The following NT5DC3 variants were observed in gnomAD, a reference collection of about 807,000 sequenced individuals.
NT5DC3 encodes the protein 5'-nucleotidase domain containing 3, also known as 5'-nucleotidase domain-containing protein 3.
In NT5DC3, 42 loss-of-function variants were observed where a neutral mutation model predicts 67.8. The ratio of observed to expected loss-of-function variants is 0.62; its 90% CI spans 0.48 to 0.80. The LOEUF is 0.80. NT5DC3 is among the 30% of genes least tolerant of loss of function. The pLI, the probability that NT5DC3 is intolerant of heterozygous loss-of-function variation, is 0.00. For missense variants in NT5DC3, 570 were observed against 696.4 expected (o/e 0.82, Z 2.04); for synonymous variants, 237 against 255.6 (o/e 0.93, Z 0.69).
chr12:103,834,128 G>A (rs950509672), intron 1 of NT5DC3, among the ~76,000 whole-genome samples: 4 of 152,004 alleles, frequency 2.6e-5, no homozygotes, highest in Admixed American at 2.6e-4. Flanking sequence ...AAGGTCTCCA[G>A]GCATTGCCAA....
At chr12:103,754,037 CTGGTGGTTTA>C in the NT5DC3 span, among the ~76,000 whole-genome samples, 1 of 152,176 alleles carries the variant, frequency 6.6e-6, no homozygotes, top group African/African-American at 2.4e-5. Context: ...GAGTTCCAGG[CTGGTGGTTTA>C]TCACTGGGAG....
chr12:103,749,162 T>A, the NT5DC3 span: 116 of 1,588,996 alleles, frequency 7.3e-5, no homozygotes, highest in Middle Eastern at 1.7e-4. Flanking sequence ...GCCCGGTGAG[T>A]CGCTCTTTCC....
intron 12 of NT5DC3, among the ~76,000 whole-genome samples, chr12:103,784,372 C>CA (rs1363041021): frequency 1.3e-5 from 2 of 152,226 alleles, no homozygotes; most frequent in Admixed American, 1.3e-4. Flanking sequence ...TGCAGGGCCC[C>CA]ATGCTCTGGA....
rs1593375018 is a variant in NT5DC3 at position 103,773,695 on chromosome 12, C to A, written c.*4134G>T. The A allele has an allele frequency of 6.6e-6, 1 of 152,352 alleles. No homozygotes were observed. The highest frequency in any genetic ancestry group is 1.9e-4 in the East Asian group (1 of 5,188). The allele number at this position is 152,352 out of a possible 1,614,324, so 9.4% of individuals were successfully genotyped here. Reference sequence around the variant, plus strand: ...TTCTAGACAAGGAGCCCCAAGTGGTCTTTGGCAGCAAATGAGCAGGCAGAA... The same window carrying A: ...TTCTAGACAAGGAGCCCCAAGTGGTATTTGGCAGCAAATGAGCAGGCAGAA... On this transcript the variant is annotated 3_prime_UTR_variant, in exon 14 of 14. Coordinates refer to ENST00000392876, the MANE Select transcript of NT5DC3 (RefSeq NM_001031701.3).
At chr12:103,813,301 C>A (rs1887111935) in intron 2 of NT5DC3, among the ~76,000 whole-genome samples, 1 of 152,196 alleles carries the variant, frequency 6.6e-6, no homozygotes, top group Admixed American at 6.5e-5. Context: ...ATGATCCAGG[C>A]AAAGGACCGC....
chr12:103,793,844 G>T, intron 7 of NT5DC3, 93 bp downstream of exon 7: 1 of 1,034,926 alleles, frequency 9.7e-7, no homozygotes, highest in Non-Finnish European at 1.5e-6. Context: ...TGCAGCCTCT[G>T]CTTAGCACCT....
At chr12:103,792,214 T>G (rs1593394820) in intron 9 of NT5DC3, among the ~76,000 whole-genome samples, 2 of 152,152 alleles carry the variant, frequency 1.3e-5, no homozygotes, top group East Asian at 3.8e-4. Context: ...TTATAGCTGT[T>G]TTTCATCACA....
At chr12:103,807,267 A>G (rs1193140877) in intron 2 of NT5DC3, among the ~76,000 whole-genome samples, 1 of 152,118 alleles carries the variant, frequency 6.6e-6, no homozygotes, top group Non-Finnish European at 1.5e-5. Flanking sequence ...CCAGGAACAC[A>G]TCGGCTTCAA....
At chr12:103,836,721 C>T (rs4964197) in intron 1 of NT5DC3, among the ~76,000 whole-genome samples, 19,081 of 152,152 alleles carry the variant, frequency 0.13, 1,398 homozygotes, top group Middle Eastern at 0.27. Flanking sequence ...CATCCTGTAT[C>T]GGCATGACAT....
At chr12:103,757,210 T>A in the NT5DC3 span, among the ~76,000 whole-genome samples, 1 of 151,762 alleles carries the variant, frequency 6.6e-6, no homozygotes, top group Non-Finnish European at 1.5e-5. Context: ...CACCCCAGCC[T>A]CCAGAGCAGC....
At chr12:103,817,204 C>T (rs937950980) in intron 1 of NT5DC3, among the ~76,000 whole-genome samples, 1 of 152,034 alleles carries the variant, frequency 6.6e-6, no homozygotes, top group Non-Finnish European at 1.5e-5. Flanking sequence ...TGGCCATATC[C>T]TAGATGAAAT....
the NT5DC3 span, chr12:103,758,101 C>G: frequency 6.2e-7 from 1 of 1,602,416 alleles, no homozygotes; most frequent in African/African-American, 1.3e-5. Flanking sequence ...TGCCCTGGGA[C>G]CTTCTTCAGC....
the NT5DC3 span, among the ~76,000 whole-genome samples, chr12:103,756,990 A>G: frequency 1.9e-5 from 1 of 53,786 alleles, no homozygotes; most frequent in Non-Finnish European, 4.5e-5. Context: ...GCCCAGAAGG[A>G]GGGAAAATAT....
chr12:103,747,354 C>T, the NT5DC3 span, among the ~76,000 whole-genome samples: 6 of 152,190 alleles, frequency 3.9e-5, no homozygotes, highest in Non-Finnish European at 7.3e-5. Context: ...TCTCATATAA[C>T]AGGTTGGAAG....
chr12:103,787,780 A>T (rs1209472564), intron 10 of NT5DC3, among the ~76,000 whole-genome samples: 1 of 152,218 alleles, frequency 6.6e-6, no homozygotes, highest in East Asian at 1.9e-4. Context: ...TTCCCATGTC[A>T]ATAGTCTACC....
chr12:103,823,900 C>A (rs944770180), intron 1 of NT5DC3, among the ~76,000 whole-genome samples: 1 of 152,194 alleles, frequency 6.6e-6, no homozygotes, highest in Non-Finnish European at 1.5e-5. Flanking sequence ...GAAAAAGACA[C>A]CCTAATTCAG....
At chr12:103,750,753 C>T in the NT5DC3 span, 2 of 1,591,520 alleles carry the variant, frequency 1.3e-6, no homozygotes, top group African/African-American at 1.3e-5. Flanking sequence ...GCCCAAAGCA[C>T]CCTCCTCTTC....
chr12:103,787,509 A>G lies in NT5DC3; in HGVS notation c.1120T>C (p.Leu374=). 6.3e-7 allele frequency: 1 copy of G among 1,595,072 alleles called. No individual in the cohort carries two copies. Among genetic ancestry groups the G allele is most frequent in the East Asian group, 2.2e-5 (1 of 44,670 alleles). The change falls in exon 11 of 14, where the codon TTG becomes CTG. Residue 374 remains leucine, a synonymous_variant. Transcript: ENST00000392876. The stretch of plus-strand genomic sequence containing the variant: ...GATCCTCTCCATCCAGTAAGCTTCA[A>G]AAATTCATATAAATTACCCTGTAAT... The part of the protein sequence containing the change: ...IYKQGNLYEF[L]KLTGWRGSRV...
At chr12:103,786,988 G>C (rs1212950362) in intron 11 of NT5DC3, among the ~76,000 whole-genome samples, 1 of 152,060 alleles carries the variant, frequency 6.6e-6, no homozygotes, top group Non-Finnish European at 1.5e-5. Context: ...CAGCCCACTG[G>C]TTCAGTTTCT....
Sources: allele counts gnomAD v4.1 joint callset (sites outside exome capture counted in the v4.1 genomes callset), GRCh38; gene constraint gnomAD v4.1.1; transcripts MANE v1.5; gene names NCBI Gene and HGNC (gene_info 2026-07-23, HGNC 2026-07-21).